C10orf90: variants seen among roughly 807,000 people sequenced by gnomAD.
C10orf90 encodes (E2-independent) E3 ubiquitin-conjugating enzyme FATS.
C10orf90 carries 56 observed loss-of-function variants against 62.5 expected under a neutral mutation model. The ratio of observed to expected loss-of-function variants is 0.90; its 90% CI spans 0.72 to 1.12. The LOEUF (loss-of-function observed/expected upper bound fraction) is 1.12. Ranked by LOEUF, C10orf90 falls within the 50% of genes most tolerant of loss-of-function variation. C10orf90 has a pLI of 0.00. For synonymous variants in C10orf90, 386 were observed against 340.4 expected (o/e 1.13, Z -1.47); for missense variants, 970 against 880.4 (o/e 1.10, Z -1.29).
intron 2 of C10orf90, among the ~76,000 whole-genome samples, chr10:126,547,433 AT>A (rs1864526276): frequency 2.0e-5 from 3 of 151,492 alleles, no homozygotes; most frequent in Admixed American, 6.6e-5. Flanking sequence ...AAAAAATAAA[AT>A]AAAGAGAAAG....
In C10orf90 at chr10:126,459,096, C is replaced by G. The variant is rs1590941930; in HGVS notation, c.2132G>C (p.Ser711Thr). 1 of 1,614,048 alleles carries G rather than the reference C, an allele frequency of 6.2e-7. No individual in the cohort carries two copies. The highest frequency in any genetic ancestry group is 8.5e-7 in the Non-Finnish European group (1 of 1,180,038). Reference protein sequence around the residue: ...QRKEDLRQKQSLLPIRTSKKQ... With the variant: ...QRKEDLRQKQTLLPIRTSKKQ... ...CTTGCTGGTGCGGATGGGAAGGAGG[C>G]TCTGCTTCTGCCTCAGGTCCTCCTT... The change falls in exon 7 of 10, where the codon AGC becomes ACC. Residue 711 changes from serine (S) to threonine (T), a missense_variant. Coordinates refer to ENST00000488181, the MANE Select transcript of C10orf90 (RefSeq NM_001350921.2).
intron 1 of C10orf90, among the ~76,000 whole-genome samples, chr10:126,647,882 T>C (rs1846202910): frequency 6.6e-6 from 1 of 152,192 alleles, no homozygotes; most frequent in South Asian, 2.1e-4. Flanking sequence ...CCTAGCTGGA[T>C]GTGATGGAGC....
chr10:126,455,013 C>T (rs953276433), intron 7 of C10orf90, among the ~76,000 whole-genome samples: 2 of 152,030 alleles, frequency 1.3e-5, no homozygotes, highest in Non-Finnish European at 2.9e-5. Flanking sequence ...CCTCCCTCTT[C>T]CACATCTCAC....
chr10:126,538,755 T>A (rs1203941204), intron 2 of C10orf90, among the ~76,000 whole-genome samples: 1 of 152,170 alleles, frequency 6.6e-6, no homozygotes, highest in Non-Finnish European at 1.5e-5. Context: ...AAACCCAAGT[T>A]GGATGCCTTG....
intron 7 of C10orf90, among the ~76,000 whole-genome samples, chr10:126,451,073 C>T (rs1311945515): frequency 1.3e-5 from 2 of 151,544 alleles, no homozygotes; most frequent in African/African-American, 4.8e-5. Flanking sequence ...AATTGGCCAA[C>T]AGGTATATGA....
At chr10:126,448,707 C>A (rs1004182723) in intron 7 of C10orf90, among the ~76,000 whole-genome samples, 7 of 151,932 alleles carry the variant, frequency 4.6e-5, no homozygotes, top group African/African-American at 1.7e-4. Flanking sequence ...AAAACTGATA[C>A]CACAGAAATA....
intron 2 of C10orf90, among the ~76,000 whole-genome samples, chr10:126,612,933 C>T (rs1234419972): frequency 5.3e-5 from 8 of 152,162 alleles, no homozygotes; most frequent in Admixed American, 2.6e-4. Context: ...TGCTCGCCCT[C>T]GCAGCTCCAA....
intron 2 of C10orf90, among the ~76,000 whole-genome samples, chr10:126,608,594 C>G (rs1409512913): frequency 6.6e-6 from 1 of 152,194 alleles, no homozygotes; most frequent in Admixed American, 6.5e-5. Flanking sequence ...CCTTTTCCAG[C>G]TACATACCTG....
chr10:126,604,484 C>A (rs1008717232), intron 2 of C10orf90, among the ~76,000 whole-genome samples: 3 of 152,180 alleles, frequency 2.0e-5, no homozygotes, highest in Admixed American at 6.5e-5. Flanking sequence ...AGCAAAAAGT[C>A]CTCAGCCTTC....
intron 7 of C10orf90, among the ~76,000 whole-genome samples, chr10:126,438,449 A>C (rs1156706600): frequency 2.0e-5 from 3 of 152,218 alleles, no homozygotes; most frequent in Non-Finnish European, 4.4e-5. Context: ...ACAGGATTAA[A>C]CAAATTTAAG....
At chr10:126,569,432 A>T (rs1844460239) in intron 2 of C10orf90, among the ~76,000 whole-genome samples, 1 of 152,156 alleles carries the variant, frequency 6.6e-6, no homozygotes, top group Non-Finnish European at 1.5e-5. Context: ...CCAACACTTT[A>T]TGCTAAGCAG....
At chr10:126,647,755 T>A (rs1320375719) in intron 1 of C10orf90, among the ~76,000 whole-genome samples, 1 of 152,250 alleles carries the variant, frequency 6.6e-6, no homozygotes, top group Non-Finnish European at 1.5e-5. Context: ...GTATGCTCAG[T>A]GCTTTACATA....
chr10:126,490,061 A>ATT (rs1861671099), intron 4 of C10orf90, among the ~76,000 whole-genome samples: 3 of 118,850 alleles, frequency 2.5e-5, no homozygotes, highest in African/African-American at 9.8e-5. Flanking sequence ...TATGTTATAT[A>ATT]ATATATAATA....
At chr10:126,478,425 T>C (rs945885299) in intron 4 of C10orf90, among the ~76,000 whole-genome samples, 3 of 152,342 alleles carry the variant, frequency 2.0e-5, no homozygotes, top group African/African-American at 4.8e-5. Flanking sequence ...TTTGTTATAA[T>C]TGACTCAGCC....
intron 4 of C10orf90, among the ~76,000 whole-genome samples, chr10:126,501,414 G>A (rs1459990543): frequency 6.6e-6 from 1 of 152,174 alleles, no homozygotes; most frequent in Non-Finnish European, 1.5e-5. Flanking sequence ...AGGTGAAGGT[G>A]TGCATTTGTA....
At chr10:126,642,001 C>A (rs1296694448) in intron 2 of C10orf90, among the ~76,000 whole-genome samples, 2 of 152,126 alleles carry the variant, frequency 1.3e-5, no homozygotes, top group African/African-American at 4.8e-5. Context: ...AGATGACATT[C>A]AATTCTGATT....
chr10:126,514,832 G>GA (rs1232434441), intron 2 of C10orf90, among the ~76,000 whole-genome samples: 1 of 151,692 alleles, frequency 6.6e-6, no homozygotes, highest in Non-Finnish European at 1.5e-5. Context: ...CGCTAATGTA[G>GA]AAACGTGAAC....
intron 2 of C10orf90, among the ~76,000 whole-genome samples, chr10:126,615,631 T>G (rs1011916808): frequency 3.3e-5 from 5 of 152,226 alleles, no homozygotes; most frequent in Non-Finnish European, 7.3e-5. Flanking sequence ...TTTCAGTTAT[T>G]CAGCAAACAT....
At chr10:126,576,664 C>T (rs1240053709) in intron 2 of C10orf90, among the ~76,000 whole-genome samples, 3,303 of 77,248 alleles carry the variant, frequency 0.043, 953 homozygotes, top group African/African-American at 0.11. Context: ...GATATGTATA[C>T]ATATATATGT....
Sources: allele counts gnomAD v4.1 joint callset (sites outside exome capture counted in the v4.1 genomes callset), GRCh38; gene constraint gnomAD v4.1.1; transcripts MANE v1.5; gene names NCBI Gene and HGNC (gene_info 2026-07-23, HGNC 2026-07-21).